Variants in LMBR1 observed in about 807,000 individuals in gnomAD.
LMBR1 encodes the protein limb region 1 protein homolog.
In LMBR1, 52 loss-of-function variants were observed where a neutral mutation model predicts 73.9. The observed-to-expected ratio is 0.70, with a 90% CI of 0.56 to 0.89. LMBR1 has a LOEUF of 0.89. LMBR1 is among the 40% of genes least tolerant of loss of function. The pLI, the probability that LMBR1 is intolerant of heterozygous loss-of-function variation, is 0.00. For synonymous variants in LMBR1, 215 were observed against 209.4 expected (o/e 1.03, Z -0.23); for missense variants, 539 against 579.8 (o/e 0.93, Z 0.72).
At chr7:156,692,230 C>T (rs565456885) in intron 15 of LMBR1, among the ~76,000 whole-genome samples, 3 of 152,168 alleles carry the variant, frequency 2.0e-5, no homozygotes, top group African/African-American at 7.2e-5. Context: ...GCGCCCACCA[C>T]CACGCCCGGC....
chr7:156,676,292 C>G (rs1563106090), downstream of LMBR1: 1 of 1,591,424 alleles, frequency 6.3e-7, no homozygotes, highest in African/African-American at 1.3e-5. Flanking sequence ...GATTTTAACA[C>G]AGAATGAAAC....
chr7:156,675,176 T>A (rs1274180942), downstream of LMBR1, among the ~76,000 whole-genome samples: 1 of 152,218 alleles, frequency 6.6e-6, no homozygotes, highest in Non-Finnish European at 1.5e-5. Context: ...CAGTAACGCC[T>A]GAGCGCTTTC....
chr7:156,849,964 C>T (rs936059339), intron 1 of LMBR1, among the ~76,000 whole-genome samples: 3 of 152,114 alleles, frequency 2.0e-5, no homozygotes, highest in African/African-American at 7.2e-5. Flanking sequence ...TTACCTTCAC[C>T]CAATTTTGCT....
rs547644712 is a variant in LMBR1, at chr7:156,684,228, G to T, written c.1388-65C>A. 1.7e-5 allele frequency: 21 copies of T among 1,232,084 alleles called. No individual in the cohort carries two copies. In the Admixed American group the frequency reaches 3.4e-4, roughly 20 times the overall value. The allele number at this position is 1,232,084 out of a possible 1,614,324, so 76.3% of individuals were successfully genotyped here. A position where few individuals can be genotyped will look rare whatever the true frequency, so the allele number is the denominator to read the frequency against. On this transcript the variant is annotated intron_variant, in intron 16 of 16. Coordinates refer to ENST00000353442, the MANE Select transcript of LMBR1 (RefSeq NM_022458.4). ...GCTGAGTGGCTGGGAAAGGGTTAGG[G>T]TAGGGAGAAGAGGAGATTTACAAAG... is the stretch of plus-strand genomic sequence containing the variant.
chr7:156,702,701 TA>T lies in LMBR1; in HGVS notation c.1226-14511del, dbSNP rs1232285849. Among the ~76,000 whole-genome samples the T allele has an allele frequency of 4.6e-5, 7 of 152,306 alleles. No homozygotes were observed. In the East Asian group the frequency reaches 1.2e-3, roughly 25 times the overall value. Reference sequence around the variant, plus strand: ...CTCAGCAGCAGCAGAGAAGGTTTTTTAAAAAAGAAAACTAAACATACTCTTA... The same window carrying T: ...CTCAGCAGCAGCAGAGAAGGTTTTTTAAAAAGAAAACTAAACATACTCTTA... On this transcript the variant is annotated intron_variant, in intron 15 of 16. Coordinates refer to ENST00000353442, the MANE Select transcript of LMBR1 (RefSeq NM_022458.4).
intron 1 of LMBR1, among the ~76,000 whole-genome samples, chr7:156,854,120 TC>T (rs1796622927): frequency 6.6e-6 from 1 of 152,130 alleles, no homozygotes; most frequent in Admixed American, 6.6e-5. Flanking sequence ...TTTCCCATCC[TC>T]GTAACAAGAA....
intron 1 of LMBR1, among the ~76,000 whole-genome samples, chr7:156,883,773 C>T (rs1300710144): frequency 6.6e-6 from 1 of 152,158 alleles, no homozygotes; most frequent in East Asian, 1.9e-4. Flanking sequence ...GGCATCACTC[C>T]AACTCTGCCT....
chr7:156,779,893 A>C (rs951662519), intron 5 of LMBR1, among the ~76,000 whole-genome samples: 2 of 152,222 alleles, frequency 1.3e-5, no homozygotes, highest in Admixed American at 6.5e-5. Context: ...TTTGCTCAGC[A>C]TGGCATCAAG....
rs1448946964 is a variant in LMBR1 at position 156,818,110 on chromosome 7, GACTT to G, written c.319+8491_319+8494del. Among the ~76,000 whole-genome samples the G allele has an allele frequency of 3.3e-5, 5 of 152,130 alleles. No individual in the cohort carries two copies. In the East Asian group the frequency reaches 9.7e-4, roughly 29 times the overall value. On this transcript the variant is annotated intron_variant, in intron 4 of 16. Coordinates refer to ENST00000353442, the MANE Select transcript of LMBR1 (RefSeq NM_022458.4). ...CAACAGTACATTAAAATTTATTAGG[GACTT>G]ACTTTTGACTTAGCATCTATTCATA...
At chr7:156,742,327 G>C (rs1819046788) in intron 9 of LMBR1, among the ~76,000 whole-genome samples, 1 of 151,634 alleles carries the variant, frequency 6.6e-6, no homozygotes, top group Admixed American at 6.6e-5. Flanking sequence ...GAATACAAAA[G>C]ATCAATGAAA....
intron 1 of LMBR1, among the ~76,000 whole-genome samples, chr7:156,860,053 G>A (rs980789554): frequency 3.3e-5 from 5 of 152,222 alleles, no homozygotes; most frequent in Non-Finnish European, 7.3e-5. Context: ...AACAAACGGT[G>A]CTATAACAAC....
intron 1 of LMBR1, among the ~76,000 whole-genome samples, chr7:156,841,131 CATG>C (rs1838639136): frequency 6.6e-6 from 1 of 151,912 alleles, no homozygotes; most frequent in African/African-American, 2.4e-5. Flanking sequence ...TGAAAGCAGA[CATG>C]ATAAGATTTG....
chr7:156,768,109 G>A (rs1363149248), intron 5 of LMBR1, among the ~76,000 whole-genome samples: 1 of 152,010 alleles, frequency 6.6e-6, no homozygotes, highest in Non-Finnish European at 1.5e-5. Context: ...AACGAGGCTG[G>A]GCACAGTGGC....
At chr7:156,674,120 T>C (rs762771462), downstream of LMBR1, among the ~76,000 whole-genome samples, 28 of 152,226 alleles carry the variant, frequency 1.8e-4, no homozygotes, top group Non-Finnish European at 3.2e-4. Context: ...TTCTCACTGC[T>C]GGACAAATAA....
chr7:156,883,697 T>C (rs1380015078), intron 1 of LMBR1, among the ~76,000 whole-genome samples: 6 of 152,156 alleles, frequency 3.9e-5, no homozygotes, highest in Non-Finnish European at 8.8e-5. Context: ...TTCATTTCCT[T>C]GACGTTTCTA....
Position 156,669,459 on chromosome 7 carries a change from C to T in LMBR1, n.867-172G>A, listed in dbSNP as rs1429713498. Among the ~76,000 whole-genome samples, 2 of 152,082 alleles carry T rather than the reference C, an allele frequency of 1.3e-5. No homozygotes were observed. The highest frequency in any genetic ancestry group is 6.5e-5 in the Admixed American group (1 of 15,284). ...CTGAACCCAAATGGAGGAACCGTGC[C>T]GTTCCCTGGAACCTCTGTCCAGGCA... On this transcript the variant is annotated intron_variant and non_coding_transcript_variant, in intron 4 of 4. Transcript: ENST00000430825. This position sits in a 1 kb window ranked among gnomAD's most constrained non-coding sequence, Gnocchi z 4.2.
chr7:156,865,472 G>A (rs572670384), intron 1 of LMBR1, among the ~76,000 whole-genome samples: 15 of 152,150 alleles, frequency 9.9e-5, no homozygotes, highest in Non-Finnish European at 2.1e-4. Context: ...TTCATGGATT[G>A]GAGAATTTAA....
intron 1 of LMBR1, chr7:156,892,438 T>G (rs1803201287): frequency 6.6e-6 from 1 of 151,834 alleles, no homozygotes; most frequent in Non-Finnish European, 1.5e-5. Flanking sequence ...CCACCCAGGC[T>G]CTCCGGGACG....
intron 5 of LMBR1, among the ~76,000 whole-genome samples, chr7:156,781,817 T>C (rs1827177833): frequency 1.3e-5 from 2 of 152,182 alleles, no homozygotes; most frequent in South Asian, 4.1e-4. Flanking sequence ...TTTTTTAAAA[T>C]TGTGGTGAAA....
Sources: gnomAD v4.1 joint callset for allele counts (sites outside exome capture counted in the v4.1 genomes callset) on GRCh38, gnomAD v4.1.1 for gene constraint, Gnocchi (gnomAD v3.1) non-coding constraint, MANE v1.5 for transcripts, NCBI Gene and HGNC (gene_info 2026-07-23, HGNC 2026-07-21) for gene names.